The following CCDC170 variants were observed in gnomAD, a reference collection of about 807,000 sequenced individuals.
CCDC170 encodes coiled-coil domain-containing protein 170.
A neutral mutation model predicts 72.6 loss-of-function variants in CCDC170; 69 were observed. That is an observed-to-expected ratio of 0.95 (90% CI 0.78 to 1.16). The LOEUF (loss-of-function observed/expected upper bound fraction) is 1.16. Among genes scored for constraint, CCDC170 ranks in the 50% most tolerant of loss-of-function variants. The probability of loss-of-function intolerance (pLI) is 0.00; values close to 1 mark genes in which losing one functional copy is unlikely to be tolerated. For missense variants in CCDC170, 852 were observed against 832.5 expected, an observed-to-expected ratio of 1.02 and a Z score of -0.29; for synonymous variants, 300 against 303.9, an observed-to-expected ratio of 0.99 and a Z score of 0.13.
At chr6:151,616,977 T>A (rs1273158465) in intron 10 of CCDC170, among the ~76,000 whole-genome samples, 2 of 152,198 alleles carry the variant, frequency 1.3e-5, no homozygotes, top group Non-Finnish European at 2.9e-5. Flanking sequence ...TGAGGGGTCA[T>A]AAAATTCAAA....
intron 7 of CCDC170, among the ~76,000 whole-genome samples, chr6:151,592,296 G>A (rs1776553090): frequency 6.6e-6 from 1 of 152,162 alleles, no homozygotes; most frequent in South Asian, 2.1e-4. Context: ...GGAGGCGGAG[G>A]CTGCAGTGAG....
At chr6:151,558,232 G>GTTTTTTTTTTTTTTTTTTTTTTTATT (rs1783018775) in intron 5 of CCDC170, among the ~76,000 whole-genome samples, 1 of 70,880 alleles carries the variant, frequency 1.4e-5, no homozygotes, top group African/African-American at 5.8e-5. Context: ...TGAGATTAGT[G>GTTTTTTTTTTTTTTTTTTTTTTTATT]TTTTTTTTTT....
At chr6:151,616,718 C>T (rs981255416) in intron 10 of CCDC170, among the ~76,000 whole-genome samples, 4 of 152,154 alleles carry the variant, frequency 2.6e-5, no homozygotes, top group Non-Finnish European at 4.4e-5. Context: ...ATCTCTTTCT[C>T]ACAGTTCTGG....
chr6:151,541,949 G>C (rs1782699023), intron 3 of CCDC170, among the ~76,000 whole-genome samples: 1 of 147,676 alleles, frequency 6.8e-6, no homozygotes, highest in East Asian at 2.0e-4. Context: ...ACATGACCTT[G>C]GCTCACTGCA....
intron 1 of CCDC170, among the ~76,000 whole-genome samples, chr6:151,521,335 G>C (rs1008952077): frequency 6.6e-6 from 1 of 152,150 alleles, no homozygotes; most frequent in Admixed American, 6.5e-5. Context: ...AATGAGAGTT[G>C]CTAAGCACTA....
At chr6:151,532,416 G>C (rs1243705149) in intron 1 of CCDC170, among the ~76,000 whole-genome samples, 1 of 152,068 alleles carries the variant, frequency 6.6e-6, no homozygotes, top group Non-Finnish European at 1.5e-5. Context: ...AGACCAGCCT[G>C]GCTAACATGG....
intron 5 of CCDC170, among the ~76,000 whole-genome samples, chr6:151,566,270 G>C (rs1776135698): frequency 6.6e-6 from 1 of 152,148 alleles, no homozygotes; most frequent in Non-Finnish European, 1.5e-5. Context: ...TTCTACATGA[G>C]TCTTCCAATC....
intron 6 of CCDC170, among the ~76,000 whole-genome samples, chr6:151,573,983 C>T (rs2115090605): frequency 6.6e-6 from 1 of 152,322 alleles, no homozygotes; most frequent in South Asian, 2.1e-4. Flanking sequence ...GTGGCCTAGG[C>T]CTGTAACCCC....
At chr6:151,539,333 C>A (rs957833088) in intron 3 of CCDC170, among the ~76,000 whole-genome samples, 1 of 152,142 alleles carries the variant, frequency 6.6e-6, no homozygotes, top group Non-Finnish European at 1.5e-5. Context: ...TCCACTGAAA[C>A]CACTCATTAA....
intron 7 of CCDC170, 43 bp from the exon 8 acceptor site, chr6:151,593,058 ATTAACT>A (rs1562293679): frequency 3.2e-6 from 5 of 1,584,836 alleles, no homozygotes; most frequent in Non-Finnish European, 4.3e-6. Flanking sequence ...GAGATCACTC[ATTAACT>A]TTGACTTTCA....
At chr6:151,612,920 A>T (rs1424061556) in intron 9 of CCDC170, among the ~76,000 whole-genome samples, 1 of 150,584 alleles carries the variant, frequency 6.6e-6, no homozygotes, top group Non-Finnish European at 1.5e-5. Context: ...ATTGTCAGGA[A>T]GCGCAAGACT....
At chr6:151,578,312 A>G (rs1297933072) in intron 6 of CCDC170, among the ~76,000 whole-genome samples, 3 of 152,172 alleles carry the variant, frequency 2.0e-5, no homozygotes, top group Admixed American at 6.6e-5. Context: ...GAAGTCTGGC[A>G]TCAAGGTGTC....
Position 151,615,453 on chromosome 6 carries a change from T to C in CCDC170, c.1721T>C (p.Leu574Ser). Reference protein sequence around the residue: ...ADTNELKIKTLEQTKAIEDLN... With the variant: ...ADTNELKIKTSEQTKAIEDLN... ...CTCTTGACTTTCTAGATTAAAACTT[T>C]GGAACAGACTAAAGCCATTGAAGAT... The change falls in exon 10 of 11, where the codon TTG (leucine) becomes TCG (serine). Residue 574 changes from leucine to serine, a missense_variant. Leu to Ser is a moderately radical substitution (Grantham distance 145, BLOSUM62 -2). Transcript: ENST00000239374. The C allele has an allele frequency of 1.2e-6, 2 of 1,611,988 alleles. No individual in the cohort carries two copies. The highest frequency in any genetic ancestry group is 1.7e-6 in the Non-Finnish European group (2 of 1,178,572).
intron 1 of CCDC170, among the ~76,000 whole-genome samples, chr6:151,517,274 G>A (rs1337809953): frequency 6.6e-6 from 1 of 152,142 alleles, no homozygotes; most frequent in Non-Finnish European, 1.5e-5. Context: ...GGAGGTTGCA[G>A]TGAGCCAAGA....
intron 7 of CCDC170, among the ~76,000 whole-genome samples, chr6:151,587,733 C>T (rs142819438): frequency 1.4e-4 from 22 of 152,134 alleles, no homozygotes; most frequent in Admixed American, 5.9e-4. Context: ...GCAATTAGTG[C>T]GCTTAGTGCA....
chr6:151,510,981 C>T (rs1203260634), intron 1 of CCDC170, among the ~76,000 whole-genome samples: 1 of 152,140 alleles, frequency 6.6e-6, no homozygotes, highest in South Asian at 2.1e-4. Context: ...GGTGATCCAC[C>T]TGCTTCGGCC....
intron 1 of CCDC170, among the ~76,000 whole-genome samples, chr6:151,535,089 C>T (rs750944556): frequency 3.9e-5 from 6 of 152,184 alleles, no homozygotes; most frequent in Non-Finnish European, 8.8e-5. Context: ...CAGTCTGCAG[C>T]CCACAGGCCA....
intron 4 of CCDC170, among the ~76,000 whole-genome samples, chr6:151,547,759 C>T (rs914866640): frequency 6.6e-6 from 1 of 152,178 alleles, no homozygotes; most frequent in Admixed American, 6.6e-5. Context: ...CTTATAAATG[C>T]TCCCAGTTAA....
chr6:151,497,060 A>G (rs1414696033), intron 1 of CCDC170, among the ~76,000 whole-genome samples: 4 of 152,254 alleles, frequency 2.6e-5, no homozygotes, highest in African/African-American at 7.2e-5. Context: ...CAGTGTTTTG[A>G]GAATCTGTAG....
Sources: allele counts gnomAD v4.1 joint callset (sites outside exome capture counted in the v4.1 genomes callset), GRCh38; gene constraint gnomAD v4.1.1; transcripts MANE v1.5; gene names NCBI Gene and HGNC (gene_info 2026-07-23, HGNC 2026-07-21).